The following KCNIP4 variants were observed in gnomAD, a reference collection of about 807,000 sequenced individuals.
KCNIP4 encodes the protein Kv channel-interacting protein 4.
KCNIP4 carries 12 observed loss-of-function variants against 34.0 expected under a neutral mutation model. That is an observed-to-expected ratio of 0.35 (90% CI 0.23 to 0.57). The LOEUF (loss-of-function observed/expected upper bound fraction) is 0.57. Among genes scored for constraint, KCNIP4 ranks in the 20% least tolerant of loss-of-function variants. KCNIP4 has a pLI of 0.83. For missense variants in KCNIP4, 238 were observed against 311.7 expected (o/e 0.76, Z 1.78); for synonymous variants, 124 against 102.2 (o/e 1.21, Z -1.29).
chr4:21,261,496 A>C (rs1761466353), intron 1 of KCNIP4, among the ~76,000 whole-genome samples: 1 of 152,180 alleles, frequency 6.6e-6, no homozygotes, highest in Non-Finnish European at 1.5e-5. Flanking sequence ...TGTGTCATGA[A>C]CATCACCAAG....
At chr4:21,544,908 T>G (rs1042326309) in intron 1 of KCNIP4, among the ~76,000 whole-genome samples, 1 of 152,106 alleles carries the variant, frequency 6.6e-6, no homozygotes, top group Non-Finnish European at 1.5e-5. Flanking sequence ...GAAAGCTTTA[T>G]ACTTTTAAGT....
At chr4:21,135,502 T>C (rs529098925) in intron 1 of KCNIP4, among the ~76,000 whole-genome samples, 310 of 152,310 alleles carry the variant, frequency 2.0e-3, no homozygotes, top group African/African-American at 6.6e-3. Flanking sequence ...TAGAACTTAC[T>C]GTAAGGCATC....
At chr4:20,734,538 A>G (rs1222097367) in intron 6 of KCNIP4, 90 bp downstream of exon 6, 6 of 636,788 alleles carry the variant, frequency 9.4e-6, no homozygotes, top group Non-Finnish European at 1.5e-5. Flanking sequence ...CCTCAAAAAA[A>G]CTTTTCAAAT....
chr4:20,916,938 T>C lies in KCNIP4; in HGVS notation c.62-34229A>G, dbSNP rs1728868841. Reference sequence around the variant, plus strand: ...TACCTCCCCTCCTGTCCTTTCCCTTTCATATTTTTTCCTTTTTTGGTTCTT... The same window carrying C: ...TACCTCCCCTCCTGTCCTTTCCCTTCCATATTTTTTCCTTTTTTGGTTCTT... On this transcript the variant is annotated intron_variant, in intron 1 of 8. Transcript: ENST00000382152. 1.4e-5 allele frequency among the ~76,000 whole-genome samples: 2 copies of C among 143,538 alleles called. 1 individual carries two copies. The highest frequency in any genetic ancestry group is 5.1e-5 in the African/African-American group (2 of 39,354). 94.2% of individuals were successfully genotyped at this position (143,538 alleles called of 152,430 possible). A position where few individuals can be genotyped will look rare whatever the true frequency, so the allele number is the denominator to read the frequency against.
chr4:21,001,455 T>C (rs1738131835), intron 1 of KCNIP4, among the ~76,000 whole-genome samples: 1 of 152,182 alleles, frequency 6.6e-6, no homozygotes, highest in Admixed American at 6.5e-5. Context: ...TTTGGCCAGT[T>C]CATTTTGGAT....
At chr4:21,314,825 T>G (rs1218445264) in intron 1 of KCNIP4, among the ~76,000 whole-genome samples, 1 of 152,206 alleles carries the variant, frequency 6.6e-6, no homozygotes, top group East Asian at 1.9e-4. Context: ...AAGAACTATC[T>G]AGAAAAGGAT....
intron 1 of KCNIP4, among the ~76,000 whole-genome samples, chr4:20,967,312 C>T (rs558419526): frequency 2.6e-5 from 4 of 152,270 alleles, no homozygotes; most frequent in African/African-American, 4.8e-5. Context: ...ATTCCATGCT[C>T]ATGGATAGGA....
intron 1 of KCNIP4, among the ~76,000 whole-genome samples, chr4:21,603,438 C>T (rs1743376530): frequency 1.3e-5 from 2 of 152,144 alleles, no homozygotes; most frequent in Non-Finnish European, 2.9e-5. Flanking sequence ...GAATGTAAGA[C>T]TTCAAATGCA....
chr4:20,804,981 G>A (rs939638077), intron 3 of KCNIP4, among the ~76,000 whole-genome samples: 5 of 152,022 alleles, frequency 3.3e-5, no homozygotes, highest in African/African-American at 7.2e-5. Flanking sequence ...GAGCAGAGTC[G>A]TGATTCTGGT....
intron 1 of KCNIP4, among the ~76,000 whole-genome samples, chr4:21,869,727 GAGATAGATAGATAGAT>G (rs71193417): frequency 0.069 from 9,893 of 143,552 alleles, 441 homozygotes; most frequent in Middle Eastern, 0.16. Context: ...GAGAGATAAG[GAGATAGATAGATAGAT>G]AGATAGATAG....
chr4:21,476,955 C>G (rs748481976), intron 1 of KCNIP4, among the ~76,000 whole-genome samples: 2 of 152,114 alleles, frequency 1.3e-5, no homozygotes, highest in Non-Finnish European at 2.9e-5. Flanking sequence ...TGGGCACTGT[C>G]CTAGGTGCTG....
At chr4:20,827,523 A>C (rs1485518647) in intron 3 of KCNIP4, among the ~76,000 whole-genome samples, 1 of 152,134 alleles carries the variant, frequency 6.6e-6, no homozygotes, top group African/African-American at 2.4e-5. Context: ...ATTTTTCCAA[A>C]CATGGTTACA....
chr4:21,788,797 G>A (rs556821157), intron 1 of KCNIP4, among the ~76,000 whole-genome samples: 55 of 152,186 alleles, frequency 3.6e-4, no homozygotes, highest in African/African-American at 1.2e-3. Flanking sequence ...CTAGCTGGCC[G>A]GTTGTGGTGG....
At chr4:20,731,306 T>TTAAG in intron 8 of KCNIP4, 1 of 793,804 alleles carries the variant, frequency 1.3e-6, no homozygotes, top group Middle Eastern at 6.4e-4. Flanking sequence ...AATCCTGGCC[T>TTAAG]TAAGTTATCT....
intron 1 of KCNIP4, among the ~76,000 whole-genome samples, chr4:20,937,516 G>T (rs967164805): frequency 6.6e-6 from 1 of 151,914 alleles, no homozygotes; most frequent in Non-Finnish European, 1.5e-5. Context: ...TTACAGGCGT[G>T]AGCCACCGTG....
Position 21,580,712 on chromosome 4 carries a change from A to G in KCNIP4, c.61+367859T>C, listed in dbSNP as rs534339628. Among the ~76,000 whole-genome samples, 11 of 152,228 alleles carry G rather than the reference A, an allele frequency of 7.2e-5. No individual in the cohort carries two copies. The East Asian group carries it at 2.1e-3, about 29-fold the overall frequency. On this transcript the variant is annotated intron_variant, in intron 1 of 8. Transcript: ENST00000382152. ...CACATTTAACGCACACCATTACATC[A>G]AAGATGGTAAATGCCCAATCTTACT...
At chr4:21,459,218 T>C (rs575025160) in intron 1 of KCNIP4, among the ~76,000 whole-genome samples, 3 of 152,188 alleles carry the variant, frequency 2.0e-5, no homozygotes, top group South Asian at 4.1e-4. Context: ...TTTGTACTCA[T>C]AAAAATGGCT....
At chr4:20,968,416 C>A (rs148673896) in intron 1 of KCNIP4, among the ~76,000 whole-genome samples, 3,076 of 152,216 alleles carry the variant, frequency 0.02, 105 homozygotes, top group African/African-American at 0.065. Flanking sequence ...ACCCAACGAT[C>A]CCATTACTAG....
intron 1 of KCNIP4, among the ~76,000 whole-genome samples, chr4:21,120,799 C>T (rs181644213): frequency 3.8e-4 from 58 of 152,282 alleles, no homozygotes; most frequent in African/African-American, 1.3e-3. Flanking sequence ...CAGTCCTAAT[C>T]TCTTCTTCCT....
Sources: gnomAD v4.1 joint callset for allele counts (sites outside exome capture counted in the v4.1 genomes callset) on GRCh38, gnomAD v4.1.1 for gene constraint, MANE v1.5 for transcripts, NCBI Gene and HGNC (gene_info 2026-07-23, HGNC 2026-07-21) for gene names.